The following TTC27 variants were observed in gnomAD, a reference collection of about 807,000 sequenced individuals.
The protein encoded by TTC27 is tetratricopeptide repeat protein 27.
TTC27 carries 79 observed loss-of-function variants against 115.9 expected under a neutral mutation model. The observed-to-expected ratio is 0.68, with a 90% CI of 0.57 to 0.82. The LOEUF is 0.82. TTC27 is among the 40% of genes least tolerant of loss of function. TTC27 has a pLI of 0.00. For synonymous variants in TTC27, 401 were observed against 356.0 expected, an observed-to-expected ratio of 1.13 and a Z score of -1.42; for missense variants, 1,054 against 993.1, an observed-to-expected ratio of 1.06 and a Z score of -0.82.
intron 12 of TTC27, among the ~76,000 whole-genome samples, chr2:32,753,636 G>A (rs1001419135): frequency 2.0e-5 from 3 of 151,746 alleles, no homozygotes; most frequent in African/African-American, 7.3e-5. Flanking sequence ...TAGTAGACAT[G>A]GGGTTTCACT....
rs534477103 is a variant in TTC27 at position 32,709,574 on chromosome 2, C to T, written c.1233+6654C>T. ...AAAGAAGCAGAAGAAAATGTCAATC[C>T]GAGGTGTTGGCTCAGTAGAGCCTAC... On this transcript the variant is annotated intron_variant, in intron 10 of 19. Transcript: ENST00000317907. Among the ~76,000 whole-genome samples, 9 of 152,246 alleles carry T rather than the reference C, an allele frequency of 5.9e-5. No individual in the cohort carries two copies. The East Asian group carries it at 9.7e-4, about 16-fold the overall frequency.
At position 32,650,021 on chromosome 2, in the gene TTC27, G is replaced by T. The variant is rs1195206206; in HGVS notation, c.538-110G>T. ...AGTAGTGGATGGGTAATCTTATTGA[G>T]GAATAAATTTAATTTTATGAATGTA... is the stretch of plus-strand genomic sequence containing the variant. On this transcript the variant is annotated intron_variant, in intron 4 of 19. Coordinates refer to ENST00000317907, the MANE Select transcript of TTC27 (RefSeq NM_017735.5). 5 of 848,614 alleles carry T rather than the reference G, an allele frequency of 5.9e-6. No individual in the cohort carries two copies. The Admixed American group carries it at 1.1e-4, about 19-fold the overall frequency. The allele number at this position is 848,614 out of a possible 1,614,324, so 52.6% of individuals were successfully genotyped here.
chr2:32,630,616 C>A lies in TTC27; in HGVS notation c.182C>A (p.Thr61Asn), dbSNP rs139364992. 1 of 1,613,768 alleles carries A rather than the reference C, an allele frequency of 6.2e-7. No individual in the cohort carries two copies. The highest frequency in any genetic ancestry group is 8.5e-7 in the Non-Finnish European group (1 of 1,179,816). The change falls in exon 2 of 20, where the codon ACC becomes AAC. Residue 61 changes from threonine (T) to asparagine (N), a missense_variant. Transcript: ENST00000317907. The part of the protein sequence containing the change: ...MTQNIFNSTT[T>N]AEEKIDSYLE... ...CAAAATATTTTTAATTCAACAACAA[C>A]CGCTGAAGAAAAGATTGATAGCTAC...
chr2:32,655,666 C>G (rs1665288500), intron 5 of TTC27, among the ~76,000 whole-genome samples: 1 of 151,556 alleles, frequency 6.6e-6, no homozygotes, highest in African/African-American at 2.4e-5. Flanking sequence ...TTTTGTTGGA[C>G]AGTTTCAGAG....
At chr2:32,762,273 AGAAGTGTGTGTGTGTGTGTGT>A (rs1572588685) in intron 13 of TTC27, among the ~76,000 whole-genome samples, 1 of 145,438 alleles carries the variant, frequency 6.9e-6, no homozygotes, top group Non-Finnish European at 1.5e-5. Flanking sequence ...AAACACAGAG[AGAAGTGTGTGTGTGTGTGTGT>A]GTGTGTGTGT....
intron 13 of TTC27, among the ~76,000 whole-genome samples, chr2:32,770,897 G>A (rs562796656): frequency 2.0e-5 from 3 of 152,266 alleles, no homozygotes; most frequent in South Asian, 4.2e-4. Context: ...CAATAGGGAG[G>A]ATAGGATGAA....
chr2:32,712,187 C>T (rs1446018815), intron 10 of TTC27, among the ~76,000 whole-genome samples: 3 of 152,072 alleles, frequency 2.0e-5, no homozygotes, highest in African/African-American at 4.8e-5. Flanking sequence ...CTAAGTGAGA[C>T]GTGCCAAACT....
chr2:32,759,445 C>A (rs1432236452), intron 13 of TTC27, among the ~76,000 whole-genome samples: 2 of 151,852 alleles, frequency 1.3e-5, no homozygotes, highest in African/African-American at 4.8e-5. Flanking sequence ...GAAAAATTAC[C>A]ATCTTAACCA....
intron 16 of TTC27, among the ~76,000 whole-genome samples, chr2:32,797,596 A>G (rs769366873): frequency 9.2e-5 from 14 of 152,218 alleles, no homozygotes; most frequent in Non-Finnish European, 1.8e-4. Context: ...CTAACACTGT[A>G]TACACATGCT....
chr2:32,694,674 C>CTT lies in TTC27; in HGVS notation c.1120-8117_1120-8116dup, dbSNP rs200028307. On this transcript the variant is annotated intron_variant, in intron 9 of 19. Transcript: ENST00000317907. ...AAATTTGAATGTAAGATTCCTATTTCTTTTTTTTTTTTTTTTTCCACAAGG... is the reference window on the plus strand; with the variant it reads ...AAATTTGAATGTAAGATTCCTATTTCTTTTTTTTTTTTTTTTTTTCCACAAGG... 4.4e-4 allele frequency among the ~76,000 whole-genome samples: 60 copies of CTT among 135,552 alleles called. 1 individual carries two copies. The highest frequency in any genetic ancestry group is 1.3e-3 in the Admixed American group (18 of 13,348). The allele number at this position is 135,552 out of a possible 152,430, so 88.9% of individuals were successfully genotyped here. A position where few individuals can be genotyped will look rare whatever the true frequency, so the allele number is the denominator to read the frequency against.
In TTC27 at chr2:32,678,059, C is replaced by T. The variant is rs998778137; in HGVS notation, c.1053-797C>T. 4.6e-5 allele frequency among the ~76,000 whole-genome samples: 7 copies of T among 152,114 alleles called. No individual in the cohort carries two copies. In the East Asian group the frequency reaches 1.4e-3, roughly 29 times the overall value. The stretch of plus-strand genomic sequence containing the variant: ...TCACTTGAGCCCAGGAGTTCAAGAC[C>T]AGCCTGGACAACACAGTGAAACTCC... On this transcript the variant is annotated intron_variant, in intron 8 of 19. Transcript: ENST00000317907.
At chr2:32,731,240 C>T (rs1668282203) in intron 10 of TTC27, among the ~76,000 whole-genome samples, 1 of 152,178 alleles carries the variant, frequency 6.6e-6, no homozygotes, top group African/African-American at 2.4e-5. Context: ...AGGCATGCAC[C>T]ACCATGCCCG....
chr2:32,778,176 T>G (rs1670061427), intron 14 of TTC27, among the ~76,000 whole-genome samples, 196 bp downstream of exon 14: 1 of 152,206 alleles, frequency 6.6e-6, no homozygotes, highest in Non-Finnish European at 1.5e-5. Context: ...AGGAAATAAT[T>G]TTGATAAAAC....
intron 13 of TTC27, among the ~76,000 whole-genome samples, chr2:32,772,866 A>G (rs1325364005): frequency 1.3e-5 from 2 of 152,074 alleles, no homozygotes; most frequent in Admixed American, 1.3e-4. Flanking sequence ...GGGCATCTGG[A>G]GAACTCAGGA....
At chr2:32,782,160 G>T (rs1366565798) in intron 14 of TTC27, among the ~76,000 whole-genome samples, 1 of 152,150 alleles carries the variant, frequency 6.6e-6, no homozygotes. Context: ...TAGAGGAATA[G>T]GTAGAGAAAT....
At position 32,756,511 on chromosome 2, in the gene TTC27, G is replaced by C. The variant is rs547863499; in HGVS notation, c.1453-1781G>C. Among the ~76,000 whole-genome samples the C allele has an allele frequency of 2.4e-4, 37 of 152,230 alleles. 1 individual carries two copies. Among genetic ancestry groups the C allele is most frequent in the African/African-American group, 8.9e-4 (37 of 41,542 alleles). On this transcript the variant is annotated intron_variant, in intron 12 of 19. Transcript: ENST00000317907. Reference sequence around the variant, plus strand: ...AAATTCCAGTTTCACTTTCAGATTAGGTCTAAAAGCATACACAACCTGAAC... The same window carrying C: ...AAATTCCAGTTTCACTTTCAGATTACGTCTAAAAGCATACACAACCTGAAC...
chr2:32,698,008 C>T (rs190469596), intron 9 of TTC27, among the ~76,000 whole-genome samples: 38 of 152,216 alleles, frequency 2.5e-4, no homozygotes, highest in African/African-American at 8.9e-4. Flanking sequence ...CTGCCTCAGC[C>T]CCAAAAGTGG....
At chr2:32,725,081 A>G (rs148133463) in intron 10 of TTC27, among the ~76,000 whole-genome samples, 10 of 152,274 alleles carry the variant, frequency 6.6e-5, no homozygotes, top group Non-Finnish European at 1.5e-4. Context: ...GCCCCACATG[A>G]TTCAGTTACC....
At position 32,640,365 on chromosome 2, in the gene TTC27, A is replaced by T. The variant is rs758250889; in HGVS notation, c.492A>T (p.Ala164=). 1.2e-6 allele frequency: 2 copies of T among 1,614,024 alleles called. No individual in the cohort carries two copies. The highest frequency in any genetic ancestry group is 4.5e-5 in the East Asian group (2 of 44,864). ...LTSKPILLLL[A]RIILVNVRHK... ...CGAAGCCTATACTACTGTTATTAGC[A>T]CGCATTATCCTAGTGAATGTAAGAC... The change falls in exon 4 of 20, where the codon GCA becomes GCT. Residue 164 remains alanine, a synonymous_variant. Transcript: ENST00000317907.
Sources: allele counts gnomAD v4.1 joint callset (sites outside exome capture counted in the v4.1 genomes callset), GRCh38; gene constraint gnomAD v4.1.1; transcripts MANE v1.5; gene names NCBI Gene and HGNC (gene_info 2026-07-23, HGNC 2026-07-21).